The following SCARA3 variants were observed in gnomAD, a reference collection of about 807,000 sequenced individuals.
SCARA3 encodes the protein cellular stress response gene protein.
In SCARA3, 39 loss-of-function variants were observed where a neutral mutation model predicts 47.0. That is an observed-to-expected ratio of 0.83 (90% confidence interval 0.64 to 1.08). SCARA3 has a LOEUF of 1.08. SCARA3 is among the 50% of genes least tolerant of loss of function. SCARA3 has a pLI of 0.00. For synonymous variants in SCARA3, 356 were observed against 334.1 expected, an observed-to-expected ratio of 1.07 and a Z score of -0.71; for missense variants, 724 against 792.3, an observed-to-expected ratio of 0.91 and a Z score of 1.04.
Position 27,672,589 on chromosome 8 carries a change from C to G in SCARA3, c.*1238C>G, listed in dbSNP as rs975680030. ...CGGGACCCACAATGGCCCGAGCCCT[C>G]TTTGCATGGGCAGCCAGCTGGACTA... On this transcript the variant is annotated 3_prime_UTR_variant, in exon 6 of 6. Transcript: ENST00000301904. 2 of 985,670 alleles carry G rather than the reference C, an allele frequency of 2.0e-6. No homozygotes were observed. Among genetic ancestry groups the G allele is most frequent in the Middle Eastern group, 5.2e-4 (1 of 1,916 alleles). 61.1% of individuals were successfully genotyped at this position (985,670 alleles called of 1,614,324 possible).
At chr8:27,724,612 C>G in the SCARA3 span, among the ~76,000 whole-genome samples, 1 of 152,162 alleles carries the variant, frequency 6.6e-6, no homozygotes, top group Admixed American at 6.5e-5. Context: ...GAGCCAAGAT[C>G]GCACCATTGC....
chr8:27,733,798 C>G, the SCARA3 span: 1 of 152,258 alleles, frequency 6.6e-6, no homozygotes, highest in Admixed American at 6.5e-5. Flanking sequence ...ATTTTGCCAC[C>G]CTGCTCAGTT....
the SCARA3 span, among the ~76,000 whole-genome samples, chr8:27,718,270 G>C: frequency 6.6e-6 from 1 of 152,232 alleles, no homozygotes; most frequent in Non-Finnish European, 1.5e-5. Flanking sequence ...GACTGCTGTG[G>C]ATGTATCTGC....
the SCARA3 span, among the ~76,000 whole-genome samples, chr8:27,707,259 T>G: frequency 2.6e-5 from 4 of 152,106 alleles, no homozygotes; most frequent in African/African-American, 4.8e-5. Context: ...TTGTTTTGAG[T>G]GGGGTTGAAG....
At chr8:27,722,276 A>G in the SCARA3 span, among the ~76,000 whole-genome samples, 1 of 152,152 alleles carries the variant, frequency 6.6e-6, no homozygotes, top group East Asian at 1.9e-4. Flanking sequence ...GTATTGTGCA[A>G]ATGGACTAAC....
At chr8:27,710,005 C>T in the SCARA3 span, among the ~76,000 whole-genome samples, 2 of 152,058 alleles carry the variant, frequency 1.3e-5, no homozygotes, top group Non-Finnish European at 2.9e-5. Context: ...CTAAGGGGGG[C>T]GGATCATGAG....
the SCARA3 span, among the ~76,000 whole-genome samples, chr8:27,685,250 C>T: frequency 1.3e-5 from 2 of 152,150 alleles, no homozygotes; most frequent in Non-Finnish European, 2.9e-5. Flanking sequence ...CCAAAACTGA[C>T]TTAATAAGTA....
Position 27,659,088 on chromosome 8 carries a change from C to T in SCARA3, c.918C>T (p.Gly306=). The T allele has an allele frequency of 6.2e-7, 1 of 1,614,150 alleles. No individual in the cohort carries two copies. ...SMHDLVLQVM[G]LQLQLDNISS... ...ACGACCTGGTACTCCAGGTCATGGGCTTGCAGCTGCAGCTGGATAACATCT... is the reference window on the plus strand; with the variant it reads ...ACGACCTGGTACTCCAGGTCATGGGTTTGCAGCTGCAGCTGGATAACATCT... The change falls in exon 5 of 6, where the codon GGC becomes GGT. Residue 306 remains glycine, a synonymous_variant. Transcript: ENST00000301904.
intron 1 of SCARA3, among the ~76,000 whole-genome samples, chr8:27,643,884 A>C (rs768771830): frequency 6.6e-6 from 1 of 152,198 alleles, no homozygotes; most frequent in Non-Finnish European, 1.5e-5. Flanking sequence ...ATTTTTGGTC[A>C]ACCAAAAGAA....
chr8:27,659,783 G>A (rs1297797703), intron 5 of SCARA3, among the ~76,000 whole-genome samples: 1 of 139,750 alleles, frequency 7.2e-6, no homozygotes, highest in Non-Finnish European at 1.5e-5. Context: ...CCAGGAGTTC[G>A]AGGCTACAGT....
intron 1 of SCARA3, among the ~76,000 whole-genome samples, chr8:27,649,009 C>T (rs1801572573): frequency 6.6e-6 from 1 of 152,098 alleles, no homozygotes; most frequent in Admixed American, 6.6e-5. Context: ...CCAGGTCTTA[C>T]TTACAGGGAG....
chr8:27,679,770 ACT>A (rs1323140483), downstream of SCARA3: 1 of 152,178 alleles, frequency 6.6e-6, no homozygotes, highest in Admixed American at 6.5e-5. Context: ...CACAGACAGT[ACT>A]CTCTCTACAT....
At chr8:27,638,333 T>C (rs1801303363) in intron 1 of SCARA3, among the ~76,000 whole-genome samples, 1 of 151,712 alleles carries the variant, frequency 6.6e-6, no homozygotes, top group Non-Finnish European at 1.5e-5. Context: ...TGTGTGTGTG[T>C]GTGTGTGTGT....
Position 27,651,517 on chromosome 8 carries a change from G to A in SCARA3, c.116G>A (p.Gly39Glu). 2 of 1,612,496 alleles carry A rather than the reference G, an allele frequency of 1.2e-6. No homozygotes were observed. The highest frequency in any genetic ancestry group is 1.7e-6 in the Non-Finnish European group (2 of 1,179,994). Residue 39 changes from glycine (G) to glutamate (E), a missense_variant, in exon 3 of 6, where the codon GGG becomes GAG. By Grantham distance (98) the Gly-to-Glu change is moderately conservative. Coordinates refer to ENST00000301904, the MANE Select transcript of SCARA3 (RefSeq NM_016240.3). ...TFPCTQKGRP[G>E]PRCSRCQKNL... ...CTTGTGTCCCCCACAGGCCGGCCAG[G>A]GCCCCGCTGCAGCCGCTGCCAGAAG...
chr8:27,675,056 G>T (rs1003188291), downstream of SCARA3, among the ~76,000 whole-genome samples: 46 of 152,224 alleles, frequency 3.0e-4, no homozygotes, highest in African/African-American at 1.1e-3. Flanking sequence ...AAGAGCAGGG[G>T]CTTGCTGGAA....
intron 1 of SCARA3, among the ~76,000 whole-genome samples, chr8:27,644,134 T>G (rs1010742525): frequency 6.6e-6 from 1 of 152,234 alleles, no homozygotes; most frequent in African/African-American, 2.4e-5. Context: ...GAGATGGATA[T>G]TGTGACCTAA....
At chr8:27,729,652 G>A in the SCARA3 span, among the ~76,000 whole-genome samples, 7 of 152,032 alleles carry the variant, frequency 4.6e-5, no homozygotes, top group Non-Finnish European at 8.8e-5. Context: ...TTAGCCAGAC[G>A]TGTTGGTGGG....
At chr8:27,644,187 C>A (rs1356762602) in intron 1 of SCARA3, among the ~76,000 whole-genome samples, 1 of 152,192 alleles carries the variant, frequency 6.6e-6, no homozygotes, top group Non-Finnish European at 1.5e-5. Context: ...CTAGTGGTCA[C>A]CACTATTTTA....
intron 4 of SCARA3, among the ~76,000 whole-genome samples, chr8:27,657,767 C>G (rs1801774392): frequency 6.6e-6 from 1 of 151,900 alleles, no homozygotes; most frequent in African/African-American, 2.4e-5. Context: ...GTCTCGATCT[C>G]CTGACCTCGT....
Sources: allele counts gnomAD v4.1 joint callset (sites outside exome capture counted in the v4.1 genomes callset), GRCh38; gene constraint gnomAD v4.1.1; transcripts MANE v1.5; gene names NCBI Gene and HGNC (gene_info 2026-07-23, HGNC 2026-07-21).